The following ZNF331 variants were observed in gnomAD, a reference collection of about 807,000 sequenced individuals.
The protein encoded by ZNF331 is zinc finger protein 331, also known as C2H2-like zinc finger protein rearranged in thyroid adenomas.
Under a neutral mutation model 7.0 loss-of-function variants are expected in ZNF331, and 2 were observed. The observed-to-expected ratio is 0.29, with a 90% confidence interval of 0.12 to 0.90. ZNF331 has a LOEUF of 0.90. Among genes scored for constraint, ZNF331 ranks in the 40% least tolerant of loss-of-function variants. ZNF331 has a pLI of 0.58. For missense variants in ZNF331, 432 were observed against 587.7 expected, an observed-to-expected ratio of 0.74 and a Z score of 2.74; for synonymous variants, 196 against 205.4, an observed-to-expected ratio of 0.95 and a Z score of 0.39.
intron 2 of ZNF331, among the ~76,000 whole-genome samples, chr19:53,550,931 G>A (rs994821036): frequency 1.4e-5 from 2 of 144,626 alleles, no homozygotes; most frequent in Non-Finnish European, 3.0e-5. Flanking sequence ...CCCAACCTCC[G>A]CCTCCCGGGT....
At chr19:53,544,250 A>G (rs934260580) in intron 2 of ZNF331, among the ~76,000 whole-genome samples, 1 of 145,286 alleles carries the variant, frequency 6.9e-6, no homozygotes, top group Non-Finnish European at 1.5e-5. Flanking sequence ...TCTCAATAAG[A>G]ATCGATATTA....
chr19:53,574,347 C>T (rs916186436), intron 5 of ZNF331, among the ~76,000 whole-genome samples: 1 of 152,172 alleles, frequency 6.6e-6, no homozygotes, highest in East Asian at 1.9e-4. Context: ...AAGAGCATCC[C>T]CACAGGGCAG....
rs11354144 is a variant in ZNF331 at position 53,574,937 on chromosome 19, C to CT, written c.137-1742dup. 2.7e-3 allele frequency among the ~76,000 whole-genome samples: 327 copies of CT among 119,492 alleles called. 1 individual carries two copies. Among genetic ancestry groups the CT allele is most frequent in the Middle Eastern group, 0.014 (3 of 210 alleles). 78.4% of individuals were successfully genotyped at this position (119,492 alleles called of 152,430 possible). A position where few individuals can be genotyped will look rare whatever the true frequency, so the allele number is the denominator to read the frequency against. ...TTTTTATGTTGTATTTTTTTCTTTTCTTTTTTTTTTTTTTTTTTGAGGCAG... is the reference window on the plus strand; with the variant it reads ...TTTTTATGTTGTATTTTTTTCTTTTCTTTTTTTTTTTTTTTTTTTGAGGCAG... On this transcript the variant is annotated intron_variant, in intron 5 of 5. Coordinates refer to ENST00000449416, the MANE Select transcript of ZNF331 (RefSeq NM_001079906.2).
At chr19:53,516,228 A>G (rs1200425384), upstream of ZNF331, among the ~76,000 whole-genome samples, 1 of 152,084 alleles carries the variant, frequency 6.6e-6, no homozygotes, top group Non-Finnish European at 1.5e-5. Flanking sequence ...AGGTGGGCGG[A>G]TCGCCTGAGG....
At chr19:53,567,575 G>T (rs1247213305) in intron 3 of ZNF331, among the ~76,000 whole-genome samples, 1 of 152,092 alleles carries the variant, frequency 6.6e-6, no homozygotes, top group Admixed American at 6.6e-5. Context: ...AGCCAGGCAT[G>T]GTGACTCATG....
At chr19:53,565,504 T>C (rs2090109204) in intron 3 of ZNF331, among the ~76,000 whole-genome samples, 1 of 152,082 alleles carries the variant, frequency 6.6e-6, no homozygotes, top group Admixed American at 6.6e-5. Context: ...CTGGCCTTTT[T>C]TGTCCTTTAT....
intron 3 of ZNF331, among the ~76,000 whole-genome samples, chr19:53,565,699 G>A (rs2090120268): frequency 6.6e-6 from 1 of 150,460 alleles, no homozygotes; most frequent in African/African-American, 2.5e-5. Context: ...GCTAATATTT[G>A]TATTTTTCTA....
At chr19:53,542,287 TG>T (rs2147336841) in intron 2 of ZNF331, among the ~76,000 whole-genome samples, 1 of 152,336 alleles carries the variant, frequency 6.6e-6, no homozygotes, top group South Asian at 2.1e-4. Flanking sequence ...ATCCATCATC[TG>T]AATCTAACCT....
intron 3 of ZNF331, among the ~76,000 whole-genome samples, chr19:53,562,080 G>A (rs572467965): frequency 1.3e-5 from 2 of 152,038 alleles, no homozygotes; most frequent in African/African-American, 4.8e-5. Context: ...CCTGGGAGGT[G>A]GAGGTTGCAG....
chr19:53,571,521 T>C lies in ZNF331; in HGVS notation c.10-83T>C. The C allele has an allele frequency of 1.9e-6, 3 of 1,566,952 alleles. No homozygotes were observed. Among genetic ancestry groups the C allele is most frequent in the Non-Finnish European group, 2.6e-6 (3 of 1,154,122 alleles). ...TTCAGTCTGCTCACGGTGTTCACCC[T>C]ACCCAGAGGGTGGCCTCCTGTCTCC... On this transcript the variant is annotated intron_variant, in intron 4 of 5. Coordinates refer to ENST00000449416, the MANE Select transcript of ZNF331 (RefSeq NM_001079906.2). The surrounding 1 kb of genome is among the most constrained non-coding windows in gnomAD (Gnocchi z 4.7).
At chr19:53,510,611 A>G in the ZNF331 span, among the ~76,000 whole-genome samples, 3 of 152,162 alleles carry the variant, frequency 2.0e-5, no homozygotes, top group African/African-American at 4.8e-5. Context: ...TTACAAGACT[A>G]GCTACCCTCA....
intron 3 of ZNF331, among the ~76,000 whole-genome samples, chr19:53,561,899 G>C (rs1335530074): frequency 6.6e-6 from 1 of 152,156 alleles, no homozygotes; most frequent in African/African-American, 2.4e-5. Context: ...TGTCATCCCA[G>C]CTCTTTGGGA....
rs748236758 is a variant in ZNF331, at chr19:53,576,733, C to T, written c.173C>T (p.Thr58Ile). 1.2e-6 allele frequency: 2 copies of T among 1,611,090 alleles called. No homozygotes were observed. Among genetic ancestry groups the T allele is most frequent in the Non-Finnish European group, 1.7e-6 (2 of 1,179,128 alleles). ...ESAYENKSLP[T>I]EKNIHEIRAS... is the part of the protein sequence containing the mutation. Reference sequence around the variant, plus strand: ...GCATATGAAAATAAGAGTTTACCTACAGAAAAAAACATTCATGAAATAAGG... The same window carrying T: ...GCATATGAAAATAAGAGTTTACCTATAGAAAAAAACATTCATGAAATAAGG... Residue 58 changes from threonine to isoleucine, a missense_variant, in exon 6 of 6, where the codon ACA becomes ATA. By Grantham distance (89) the Thr-to-Ile change is moderately conservative (BLOSUM62 -1). Around this residue, in one of 3 missense-constraint regions of ZNF331, gnomAD observed 81 missense variants for 70.3 expected, o/e 1.15. Coordinates refer to ENST00000449416, the MANE Select transcript of ZNF331 (RefSeq NM_001079906.2).
At chr19:53,521,681 T>A (rs73049536) in exon 1 of ZNF331, 12,833 of 152,668 alleles carry the variant, frequency 0.084, 618 homozygotes, top group Non-Finnish European at 0.11. Context: ...GTCTCTGAAA[T>A]GTGCCTTTGC....
chr19:53,530,052 A>G (rs3859495), intron 2 of ZNF331, among the ~76,000 whole-genome samples: 101,662 of 152,056 alleles, frequency 0.67, 35,019 homozygotes, highest in African/African-American at 0.84. Context: ...TCTGGCATCC[A>G]CTTGGCTTCT....
chr19:53,507,382 A>G, the ZNF331 span, among the ~76,000 whole-genome samples: 2 of 147,138 alleles, frequency 1.4e-5, no homozygotes, highest in East Asian at 3.8e-4. Flanking sequence ...GGTTAGTCCA[A>G]ACTCTACAAA....
intron 3 of ZNF331, among the ~76,000 whole-genome samples, chr19:53,562,696 GA>G (rs199571538): frequency 3.8e-4 from 51 of 133,944 alleles, no homozygotes; most frequent in Admixed American, 1.5e-3. Flanking sequence ...ATCTCAAAAA[GA>G]AAAAAAAAAA....
At chr19:53,534,123 CA>C (rs1304083709), upstream of ZNF331, among the ~76,000 whole-genome samples, 5 of 152,100 alleles carry the variant, frequency 3.3e-5, no homozygotes, top group Non-Finnish European at 5.9e-5. Flanking sequence ...CATTCAAGAT[CA>C]GGGGGTGACA....
intron 5 of ZNF331, among the ~76,000 whole-genome samples, chr19:53,576,217 C>T (rs1271817278): frequency 6.6e-6 from 1 of 151,678 alleles, no homozygotes; most frequent in Non-Finnish European, 1.5e-5. Context: ...CTCCCGACCT[C>T]AGGTGATCTG....
Sources: gnomAD v4.1 joint callset for allele counts (sites outside exome capture counted in the v4.1 genomes callset) on GRCh38, gnomAD v4.1.1 for gene constraint, gnomAD v4.1.1 regional missense constraint, Gnocchi (gnomAD v3.1) non-coding constraint, MANE v1.5 for transcripts, NCBI Gene and HGNC (gene_info 2026-07-23, HGNC 2026-07-21) for gene names.